The following SCUBE1 variants were observed in gnomAD, a reference collection of about 807,000 sequenced individuals.
The protein encoded by SCUBE1 is signal peptide, CUB and EGF-like domain-containing protein 1.
SCUBE1 carries 59 observed loss-of-function variants against 124.4 expected under a neutral mutation model. That is an observed-to-expected ratio of 0.47 (90% CI 0.38 to 0.59). The LOEUF is 0.59. SCUBE1 is among the 20% of genes least tolerant of loss of function. The pLI is 0.00. For synonymous variants in SCUBE1, 545 were observed against 550.9 expected (o/e 0.99, Z 0.15); for missense variants, 1,150 against 1,371.2 (o/e 0.84, Z 2.55).
At chr22:43,288,451 C>A (rs976807388) in intron 4 of SCUBE1, among the ~76,000 whole-genome samples, 3 of 152,228 alleles carry the variant, frequency 2.0e-5, no homozygotes, top group East Asian at 1.9e-4. Flanking sequence ...CTTGCCACAG[C>A]CCACCAGGCC....
intron 1 of SCUBE1, among the ~76,000 whole-genome samples, chr22:43,339,989 C>A (rs1927256671): frequency 8.4e-6 from 1 of 119,496 alleles, no homozygotes; most frequent in African/African-American, 3.3e-5. Flanking sequence ...AGCTCCAACC[C>A]TCCCCCCACT....
chr22:43,235,176 G>A (rs762615541), intron 7 of SCUBE1, among the ~76,000 whole-genome samples: 6 of 152,226 alleles, frequency 3.9e-5, no homozygotes, highest in Non-Finnish European at 7.3e-5. Context: ...CCAGACAATG[G>A]AGCGGGTCTG....
At position 43,281,559 on chromosome 22, in the gene SCUBE1, C is replaced by CT. The variant is rs371084124; in HGVS notation, c.484+9486_484+9487insA. ...CCTCAGTCACCCTCCTGTCACCTCC[C>CT]CCTCAGCCACCCTCCTGTCACCTCC... On this transcript the variant is annotated intron_variant, in intron 4 of 21. Coordinates refer to ENST00000360835, the MANE Select transcript of SCUBE1 (RefSeq NM_173050.5). Among the ~76,000 whole-genome samples the CT allele has an allele frequency of 5.0e-3, 444 of 88,602 alleles. 21 individuals carry two copies. The highest frequency in any genetic ancestry group is 0.036 in the East Asian group (30 of 836). 58.1% of individuals were successfully genotyped at this position (88,602 alleles called of 152,430 possible).
intron 21 of SCUBE1, among the ~76,000 whole-genome samples, chr22:43,206,542 C>CT (rs1921289977): frequency 6.6e-6 from 1 of 152,142 alleles, no homozygotes; most frequent in Non-Finnish European, 1.5e-5. Context: ...CACGCGGGAC[C>CT]TAAGGGGCTG....
intron 2 of SCUBE1, among the ~76,000 whole-genome samples, chr22:43,338,682 C>T (rs189440459): frequency 2.6e-5 from 4 of 152,168 alleles, no homozygotes; most frequent in Non-Finnish European, 2.9e-5. Flanking sequence ...TGCACCACCA[C>T]GCTCGGCTAA....
intron 3 of SCUBE1, among the ~76,000 whole-genome samples, chr22:43,303,231 TC>T (rs1287243925): frequency 6.6e-6 from 1 of 152,252 alleles, no homozygotes; most frequent in African/African-American, 2.4e-5. Flanking sequence ...CTCTTCCTCC[TC>T]CTTGCTAGCA....
intron 4 of SCUBE1, among the ~76,000 whole-genome samples, chr22:43,281,392 AGCTATCCT>A (rs1320389060): frequency 5.7e-5 from 3 of 52,484 alleles, no homozygotes; most frequent in African/African-American, 5.0e-4. Context: ...TCTCCTCCTC[AGCTATCCT>A]GTCACCTCCC....
intron 3 of SCUBE1, among the ~76,000 whole-genome samples, chr22:43,301,400 C>T (rs1925766832): frequency 6.6e-6 from 1 of 152,204 alleles, no homozygotes; most frequent in South Asian, 2.1e-4. Flanking sequence ...CCCCGGGCTC[C>T]TCCTCGCTCA....
chr22:43,330,013 G>A (rs1415913142), intron 2 of SCUBE1, among the ~76,000 whole-genome samples: 1 of 152,000 alleles, frequency 6.6e-6, no homozygotes, highest in Non-Finnish European at 1.5e-5. Flanking sequence ...CATGGAGGGT[G>A]GGAGGTGGGG....
intron 15 of SCUBE1, among the ~76,000 whole-genome samples, chr22:43,214,743 G>A (rs1245512448): frequency 2.0e-5 from 3 of 152,210 alleles, no homozygotes; most frequent in Non-Finnish European, 4.4e-5. Context: ...TGGGAGGGGC[G>A]TAGCGAGGAG....
At chr22:43,275,709 T>A (rs919406620) in intron 4 of SCUBE1, among the ~76,000 whole-genome samples, 1 of 152,070 alleles carries the variant, frequency 6.6e-6, no homozygotes, top group Admixed American at 6.5e-5. Flanking sequence ...GAAATGGCAG[T>A]AAAGGCAGAG....
At chr22:43,306,259 T>C (rs1925965752) in intron 3 of SCUBE1, among the ~76,000 whole-genome samples, 1 of 152,244 alleles carries the variant, frequency 6.6e-6, no homozygotes, top group African/African-American at 2.4e-5. Context: ...TATGTTTTGC[T>C]GGCAGGGTAT....
At chr22:43,295,072 A>G (rs1262383952) in intron 3 of SCUBE1, among the ~76,000 whole-genome samples, 1 of 152,134 alleles carries the variant, frequency 6.6e-6, no homozygotes, top group African/African-American at 2.4e-5. Flanking sequence ...TGGAAGCCCC[A>G]TGAATCCAAA....
intron 3 of SCUBE1, among the ~76,000 whole-genome samples, chr22:43,302,124 G>T (rs540984033): frequency 6.6e-6 from 1 of 152,342 alleles, no homozygotes; most frequent in Non-Finnish European, 1.5e-5. Context: ...GTGCTCATCT[G>T]CCGCCTTAGC....
intron 2 of SCUBE1, among the ~76,000 whole-genome samples, chr22:43,330,312 T>G (rs1423782459): frequency 6.6e-6 from 1 of 152,200 alleles, no homozygotes; most frequent in Non-Finnish European, 1.5e-5. Context: ...CCATCACAGC[T>G]GGAAGGAGCA....
intron 1 of SCUBE1, among the ~76,000 whole-genome samples, chr22:43,342,694 G>A (rs1255944471): frequency 2.0e-5 from 3 of 151,778 alleles, no homozygotes; most frequent in African/African-American, 7.3e-5. Context: ...CCTTTTGTCT[G>A]CTCCCTCGGC....
At chr22:43,209,967 G>T in intron 19 of SCUBE1, 76 bp downstream of exon 19, 1 of 1,467,728 alleles carries the variant, frequency 6.8e-7, no homozygotes. Context: ...CAGCGATCCC[G>T]CCTGGCAGAA....
rs1023241831 is a variant in SCUBE1 at position 43,255,420 on chromosome 22, C to T, written c.727+2799G>A. On this transcript the variant is annotated intron_variant, in intron 6 of 21. Transcript: ENST00000360835. This position sits in a 1 kb window ranked among gnomAD's most constrained non-coding sequence, Gnocchi z 4.7. ...CCATGTCCACATGCCAGTGCGCACC[C>T]GAGACACACATGTGCACACACACAC... is the stretch of plus-strand genomic sequence containing the variant. The T allele has an allele frequency of 4.7e-5, 64 of 1,370,202 alleles. No individual in the cohort carries two copies. The highest frequency in any genetic ancestry group is 3.2e-4 in the Admixed American group (16 of 50,668). 84.9% of individuals were successfully genotyped at this position (1,370,202 alleles called of 1,614,324 possible).
At chr22:43,223,028 C>G in intron 11 of SCUBE1, 69 bp downstream of exon 11, 10 of 1,488,896 alleles carry the variant, frequency 6.7e-6, no homozygotes, top group Non-Finnish European at 8.9e-6. Flanking sequence ...CAGCTGGGAG[C>G]AATGGTGGGA....
Sources: allele counts gnomAD v4.1 joint callset (sites outside exome capture counted in the v4.1 genomes callset), GRCh38; gene constraint gnomAD v4.1.1; non-coding constraint Gnocchi (gnomAD v3.1); transcripts MANE v1.5; gene names NCBI Gene and HGNC (gene_info 2026-07-23, HGNC 2026-07-21).